UNC5D: variants seen among roughly 807,000 people sequenced by gnomAD.
The protein encoded by UNC5D is netrin receptor UNC5D.
UNC5D carries 39 observed loss-of-function variants against 105.4 expected under a neutral mutation model. The ratio of observed to expected loss-of-function variants is 0.37; its 90% CI spans 0.29 to 0.48. The LOEUF (loss-of-function observed/expected upper bound fraction) is 0.48, where lower values mean the gene tolerates loss of function less well. UNC5D is among the 20% of genes least tolerant of loss of function. The pLI, the probability that UNC5D is intolerant of heterozygous loss-of-function variation, is 0.98. For synonymous variants in UNC5D, 452 were observed against 450.4 expected (o/e 1.00, Z -0.04); for missense variants, 991 against 1,202.4 (o/e 0.82, Z 2.60).
At chr8:35,724,085 G>C in intron 9 of UNC5D, 1 of 1,355,186 alleles carries the variant, frequency 7.4e-7, no homozygotes, top group Non-Finnish European at 9.5e-7. Context: ...AGCGTGTTCC[G>C]TGGAGCACCA....
chr8:35,332,706 A>G (rs962727077), intron 1 of UNC5D, among the ~76,000 whole-genome samples: 4 of 152,210 alleles, frequency 2.6e-5, no homozygotes, highest in Non-Finnish European at 4.4e-5. Context: ...TTCTGGGCCA[A>G]GAAATTTGGT....
rs1448247097 is a variant in UNC5D at position 35,686,635 on chromosome 8, C to G, written c.1010C>G (p.Pro337Arg). The change falls in exon 7 of 17, where the codon CCG becomes CGG. Residue 337 changes from proline (P) to arginine (R), a missense_variant. Pro to Arg is a moderately radical substitution (Grantham distance 103). Around this residue, in one of 3 missense-constraint regions of UNC5D, gnomAD observed 944 missense variants for 1,131.6 expected, o/e 0.83. Coordinates refer to ENST00000404895, the MANE Select transcript of UNC5D (RefSeq NM_080872.4). The stretch of plus-strand genomic sequence containing the variant: ...ATCCGGGAGTGCACAGCACCACCCC[C>G]GAGAAATGGGGGCAAATTCTGTGAA... ...LRIRECTAPP[P>R]RNGGKFCEGL... 3 of 1,607,064 alleles carry G rather than the reference C, an allele frequency of 1.9e-6. No homozygotes were observed. The highest frequency in any genetic ancestry group is 1.7e-6 in the Non-Finnish European group (2 of 1,178,060).
chr8:35,324,324 T>C (rs1443144343), intron 1 of UNC5D, among the ~76,000 whole-genome samples: 2 of 151,954 alleles, frequency 1.3e-5, no homozygotes, highest in East Asian at 1.9e-4. Context: ...ATTGAGTGCT[T>C]CCTATGTGCC....
At chr8:35,518,564 A>T (rs1342938496) in intron 1 of UNC5D, among the ~76,000 whole-genome samples, 1 of 152,036 alleles carries the variant, frequency 6.6e-6, no homozygotes, top group African/African-American at 2.4e-5. Flanking sequence ...GTCATCTTTG[A>T]TTTATTAGAT....
intron 1 of UNC5D, among the ~76,000 whole-genome samples, chr8:35,293,535 T>C (rs771447461): frequency 2.0e-5 from 3 of 152,206 alleles, no homozygotes; most frequent in East Asian, 3.9e-4. Context: ...TCTGGTGTGG[T>C]ATCTACTAGC....
At chr8:35,365,591 CAAAAA>C (rs10715369) in intron 1 of UNC5D, among the ~76,000 whole-genome samples, 9 of 49,886 alleles carry the variant, frequency 1.8e-4, no homozygotes, top group East Asian at 7.2e-4. Flanking sequence ...CCATCCCCTG[CAAAAA>C]AAAAAAAAAA....
intron 10 of UNC5D, among the ~76,000 whole-genome samples, chr8:35,728,164 ATTATC>A (rs374173495): frequency 6.6e-6 from 1 of 150,952 alleles, no homozygotes; most frequent in African/African-American, 2.4e-5. Flanking sequence ...AAGTTATGCA[ATTATC>A]TTATCTCTTT....
At chr8:35,249,175 G>T (rs1803507964) in intron 1 of UNC5D, among the ~76,000 whole-genome samples, 1 of 139,238 alleles carries the variant, frequency 7.2e-6, no homozygotes, top group Admixed American at 7.9e-5. Flanking sequence ...ATATTTTGAA[G>T]ACAGCTTTCC....
chr8:35,533,079 G>A (rs1271286279), intron 1 of UNC5D, among the ~76,000 whole-genome samples: 4 of 151,004 alleles, frequency 2.6e-5, no homozygotes, highest in African/African-American at 9.8e-5. Flanking sequence ...GCTTTGTTCC[G>A]TTGCTGGTGA....
At chr8:35,658,845 C>T (rs1326581808) in intron 4 of UNC5D, among the ~76,000 whole-genome samples, 2 of 151,954 alleles carry the variant, frequency 1.3e-5, no homozygotes, top group African/African-American at 4.8e-5. Context: ...TTAGTAGAGA[C>T]GGGGTTTCAC....
chr8:35,571,374 A>G (rs1817709355), intron 3 of UNC5D, among the ~76,000 whole-genome samples: 1 of 152,254 alleles, frequency 6.6e-6, no homozygotes, highest in Non-Finnish European at 1.5e-5. Flanking sequence ...TATTTGCAAC[A>G]CATACTTAGT....
chr8:35,629,537 T>C (rs1821909296), intron 4 of UNC5D, among the ~76,000 whole-genome samples: 1 of 151,970 alleles, frequency 6.6e-6, no homozygotes, highest in Non-Finnish European at 1.5e-5. Context: ...ACACTAGGAC[T>C]CCAAAATGGG....
At chr8:35,407,421 G>A (rs1563387665) in intron 1 of UNC5D, among the ~76,000 whole-genome samples, 1 of 152,044 alleles carries the variant, frequency 6.6e-6, no homozygotes, top group African/African-American at 2.4e-5. Flanking sequence ...TTTTGCAAAA[G>A]CAGACAGACA....
chr8:35,604,277 G>T (rs1820111741), intron 4 of UNC5D, among the ~76,000 whole-genome samples: 3 of 152,082 alleles, frequency 2.0e-5, no homozygotes, highest in Admixed American at 1.3e-4. Context: ...TGTCTGTAAA[G>T]GATTTTATTT....
intron 11 of UNC5D, among the ~76,000 whole-genome samples, chr8:35,747,343 A>T (rs913446214): frequency 6.6e-6 from 1 of 152,210 alleles, no homozygotes; most frequent in African/African-American, 2.4e-5. Flanking sequence ...AGCACATTAG[A>T]TGAACTCAGA....
intron 4 of UNC5D, among the ~76,000 whole-genome samples, chr8:35,612,933 C>T (rs541475254): frequency 6.6e-6 from 1 of 152,162 alleles, no homozygotes; most frequent in Admixed American, 6.5e-5. Flanking sequence ...AGTTAGGTCC[C>T]TGCAGTCAGG....
chr8:35,405,663 T>C (rs1265892127), intron 1 of UNC5D, among the ~76,000 whole-genome samples: 4 of 152,198 alleles, frequency 2.6e-5, no homozygotes, highest in East Asian at 1.9e-4. Context: ...TTAAACTGTT[T>C]CTCGGAGTTG....
intron 4 of UNC5D, among the ~76,000 whole-genome samples, chr8:35,677,879 T>C (rs899782160): frequency 3.8e-5 from 5 of 130,268 alleles, no homozygotes; most frequent in Admixed American, 7.6e-5. Flanking sequence ...TTTTATAGGG[T>C]GTGTGAGTGT....
At chr8:35,409,359 G>A (rs1805009785) in intron 1 of UNC5D, among the ~76,000 whole-genome samples, 1 of 151,994 alleles carries the variant, frequency 6.6e-6, no homozygotes, top group Non-Finnish European at 1.5e-5. Context: ...CATCAGCAGT[G>A]GATGAGAGCT....
Sources: allele counts gnomAD v4.1 joint callset (sites outside exome capture counted in the v4.1 genomes callset), GRCh38; gene constraint gnomAD v4.1.1; regional missense constraint gnomAD v4.1.1; transcripts MANE v1.5; gene names NCBI Gene and HGNC (gene_info 2026-07-23, HGNC 2026-07-21).